Variants in PDE4B observed in about 807,000 individuals in gnomAD.
The protein encoded by PDE4B is 3',5'-cyclic-AMP phosphodiesterase 4B.
Under a neutral mutation model 82.2 loss-of-function variants are expected in PDE4B, and 20 were observed. That is an observed-to-expected ratio of 0.24 (90% CI 0.17 to 0.35). The LOEUF is 0.35. PDE4B is among the 10% of genes least tolerant of loss of function. The pLI is 1.00. For synonymous variants in PDE4B, 320 were observed against 318.9 expected, an observed-to-expected ratio of 1.00 and a Z score of -0.04; for missense variants, 655 against 907.2, an observed-to-expected ratio of 0.72 and a Z score of 3.57.
chr1:65,875,459 C>T (rs1646628365), intron 1 of PDE4B, among the ~76,000 whole-genome samples: 1 of 144,852 alleles, frequency 6.9e-6, no homozygotes, highest in African/African-American at 2.6e-5. Context: ...GGGTATATAC[C>T]CAAATGACTA....
At chr1:65,805,013 G>C (rs1645738829) in intron 1 of PDE4B, among the ~76,000 whole-genome samples, 7 of 151,910 alleles carry the variant, frequency 4.6e-5, no homozygotes, top group Admixed American at 4.6e-4. Flanking sequence ...CTTCCAGGCT[G>C]GGGTGCAGTG....
chr1:66,318,882 A>T (rs932796541), intron 7 of PDE4B, among the ~76,000 whole-genome samples: 17 of 152,226 alleles, frequency 1.1e-4, no homozygotes, highest in Non-Finnish European at 1.0e-4. Flanking sequence ...CAGTAGCCAC[A>T]TGTGACTAGT....
intron 3 of PDE4B, among the ~76,000 whole-genome samples, chr1:66,238,389 A>G (rs1331169200): frequency 6.6e-6 from 1 of 152,180 alleles, no homozygotes; most frequent in Non-Finnish European, 1.5e-5. Flanking sequence ...TTTGTGATCC[A>G]TGGCAAGGAG....
intron 3 of PDE4B, among the ~76,000 whole-genome samples, chr1:65,962,344 A>C (rs1320968163): frequency 6.6e-6 from 1 of 152,158 alleles, no homozygotes; most frequent in African/African-American, 2.4e-5. Flanking sequence ...CTACTTTGCC[A>C]GGCAGGGTCT....
At chr1:65,982,786 T>C (rs139988486) in intron 3 of PDE4B, among the ~76,000 whole-genome samples, 1 of 152,326 alleles carries the variant, frequency 6.6e-6, no homozygotes, top group African/African-American at 2.4e-5. Context: ...TTGATTGAAC[T>C]ATCTGGCTGG....
intron 3 of PDE4B, among the ~76,000 whole-genome samples, chr1:65,992,068 C>G (rs954628976): frequency 1.3e-5 from 2 of 152,044 alleles, no homozygotes; most frequent in African/African-American, 4.8e-5. Context: ...GGGAATGAAC[C>G]AAATCCAATG....
chr1:65,927,221 CA>C (rs1647551134), intron 3 of PDE4B, among the ~76,000 whole-genome samples: 1 of 151,550 alleles, frequency 6.6e-6, no homozygotes, highest in Non-Finnish European at 1.5e-5. Context: ...TTAGTTTTTT[CA>C]AGCTAAACTT....
chr1:66,229,570 T>C (rs951262294), intron 3 of PDE4B, among the ~76,000 whole-genome samples: 1 of 152,240 alleles, frequency 6.6e-6, no homozygotes, highest in African/African-American at 2.4e-5. Flanking sequence ...AACTCTTCAC[T>C]AAATCCCTAC....
At chr1:65,823,374 C>T (rs186259317) in intron 1 of PDE4B, among the ~76,000 whole-genome samples, 35 of 142,544 alleles carry the variant, frequency 2.5e-4, no homozygotes, top group African/African-American at 8.2e-4. Flanking sequence ...ACAGCCTGGC[C>T]GACAGAGTGA....
At chr1:65,966,088 G>C (rs1569840269) in intron 3 of PDE4B, among the ~76,000 whole-genome samples, 1 of 152,100 alleles carries the variant, frequency 6.6e-6, no homozygotes, top group Non-Finnish European at 1.5e-5. Flanking sequence ...TATTCAAATA[G>C]GAAGAGAGGA....
At chr1:66,041,821 C>CACAT (rs893037013) in intron 3 of PDE4B, among the ~76,000 whole-genome samples, 3 of 81,834 alleles carry the variant, frequency 3.7e-5, no homozygotes, top group African/African-American at 1.3e-4. Flanking sequence ...CACACACACA[C>CACAT]ACACACATAC....
chr1:66,276,453 G>T (rs2101765035), intron 7 of PDE4B, among the ~76,000 whole-genome samples: 1 of 152,318 alleles, frequency 6.6e-6, no homozygotes, highest in East Asian at 1.9e-4. Context: ...AGATGTTATA[G>T]CTTATCAAGA....
At chr1:66,254,409 T>C (rs1312995271) in intron 4 of PDE4B, among the ~76,000 whole-genome samples, 2 of 152,192 alleles carry the variant, frequency 1.3e-5, no homozygotes, top group South Asian at 4.1e-4. Context: ...TATTTTTTCT[T>C]TTTTGTATCT....
chr1:66,048,963 T>G (rs1273159804), intron 3 of PDE4B: 3 of 152,018 alleles, frequency 2.0e-5, no homozygotes, highest in African/African-American at 4.8e-5. Context: ...GAATTAGCTC[T>G]CCGTCTTTAG....
At chr1:66,195,145 T>C (rs1272955485) in intron 3 of PDE4B, among the ~76,000 whole-genome samples, 1 of 152,170 alleles carries the variant, frequency 6.6e-6, no homozygotes, top group Non-Finnish European at 1.5e-5. Context: ...ATGCTTAGAC[T>C]CTTTTGAGCA....
chr1:66,200,523 G>A (rs1220778270), intron 3 of PDE4B, among the ~76,000 whole-genome samples: 1 of 152,068 alleles, frequency 6.6e-6, no homozygotes, highest in Non-Finnish European at 1.5e-5. Context: ...TTATTTCATT[G>A]AGCAGTGGTC....
At chr1:66,149,791 T>C (rs771514660) in intron 3 of PDE4B, among the ~76,000 whole-genome samples, 12 of 152,204 alleles carry the variant, frequency 7.9e-5, no homozygotes, top group Admixed American at 3.9e-4. Flanking sequence ...AGTTTGAGGA[T>C]GCAGTAAGCT....
intron 3 of PDE4B, among the ~76,000 whole-genome samples, chr1:66,052,665 T>C (rs1473760201): frequency 6.6e-6 from 1 of 150,970 alleles, no homozygotes; most frequent in East Asian, 2.0e-4. Flanking sequence ...AACTGTGAAA[T>C]CCTTTCCGAG....
At chr1:65,943,676 A>G (rs894404164) in intron 3 of PDE4B, among the ~76,000 whole-genome samples, 1 of 151,736 alleles carries the variant, frequency 6.6e-6, no homozygotes, top group African/African-American at 2.4e-5. Flanking sequence ...TTCAATTTCA[A>G]TGTTTTACAG....
Sources: gnomAD v4.1 joint callset for allele counts (sites outside exome capture counted in the v4.1 genomes callset) on GRCh38, gnomAD v4.1.1 for gene constraint, MANE v1.5 for transcripts, NCBI Gene and HGNC (gene_info 2026-07-23, HGNC 2026-07-21) for gene names.